LDLRAP1: variants seen among roughly 807,000 people sequenced by gnomAD.
LDLRAP1 encodes the protein low density lipoprotein receptor adapter protein 1.
A neutral mutation model predicts 37.8 loss-of-function variants in LDLRAP1; 30 were observed. That is an observed-to-expected ratio of 0.79 (90% confidence interval 0.59 to 1.08). LDLRAP1 has a LOEUF of 1.08. Ranked by LOEUF, LDLRAP1 falls within the 50% of genes least tolerant of loss-of-function variation. LDLRAP1 has a pLI of 0.00. For synonymous variants in LDLRAP1, 156 were observed against 169.8 expected, an observed-to-expected ratio of 0.92 and a Z score of 0.63; for missense variants, 375 against 401.6, an observed-to-expected ratio of 0.93 and a Z score of 0.57.
chr1:25,574,414 C>T, the LDLRAP1 span, among the ~76,000 whole-genome samples: 3 of 152,238 alleles, frequency 2.0e-5, no homozygotes, highest in African/African-American at 7.2e-5. Context: ...GAGCAACCTC[C>T]GGGCTTGCAA....
chr1:25,566,469 C>T (rs1344837177), intron 8 of LDLRAP1, among the ~76,000 whole-genome samples: 10 of 152,120 alleles, frequency 6.6e-5, no homozygotes, highest in Non-Finnish European at 8.8e-5. Flanking sequence ...TCGAACAGCA[C>T]GGTGTTGACA....
intron 4 of LDLRAP1, among the ~76,000 whole-genome samples, chr1:25,559,099 G>A (rs1457549077): frequency 1.3e-5 from 2 of 152,144 alleles, no homozygotes; most frequent in Non-Finnish European, 2.9e-5. Context: ...CTTGCCTCGT[G>A]AGGTCCCAGG....
intron 4 of LDLRAP1, among the ~76,000 whole-genome samples, chr1:25,559,856 G>A (rs138293995): frequency 0.017 from 2,534 of 152,314 alleles, 39 homozygotes; most frequent in Non-Finnish European, 0.028. Context: ...GTTTGGCACC[G>A]TCTGTCCTGG....
Position 25,554,811 on chromosome 1 carries a change from G to T in LDLRAP1, c.232-49G>T. On this transcript the variant is annotated intron_variant, in intron 2 of 8. Transcript: ENST00000374338. This position sits in a 1 kb window ranked among gnomAD's most constrained non-coding sequence, Gnocchi z 5.4. ...CAGTGAAGTGTAAGCCATGAGGGTG[G>T]GTCTCAAGTGAGGCTGGCAGACTCC... 1 of 1,428,416 alleles carries T rather than the reference G, an allele frequency of 7.0e-7. No homozygotes were observed. Among genetic ancestry groups the T allele is most frequent in the East Asian group, 2.3e-5 (1 of 43,640 alleles). 88.5% of individuals were successfully genotyped at this position (1,428,416 alleles called of 1,614,324 possible). A position where few individuals can be genotyped will look rare whatever the true frequency, so the allele number is the denominator to read the frequency against.
chr1:25,590,335 G>A, the LDLRAP1 span: 4 of 152,228 alleles, frequency 2.6e-5, no homozygotes, highest in South Asian at 8.3e-4. Flanking sequence ...ACTACCACAG[G>A]CAGGAAGAAA....
the LDLRAP1 span, among the ~76,000 whole-genome samples, chr1:25,583,834 GTC>G: frequency 3.9e-5 from 6 of 152,088 alleles, no homozygotes; most frequent in East Asian, 1.2e-3. Flanking sequence ...TCTGCTTTCT[GTC>G]TCTGTGAATT....
At chr1:25,551,480 TGTGA>T (rs2124654460) in intron 1 of LDLRAP1, among the ~76,000 whole-genome samples, 1 of 152,334 alleles carries the variant, frequency 6.6e-6, no homozygotes, top group African/African-American at 2.4e-5. Flanking sequence ...GCAAGGTGGC[TGTGA>T]GTGTTAGAGG....
the LDLRAP1 span, among the ~76,000 whole-genome samples, chr1:25,579,762 C>T: frequency 6.6e-6 from 1 of 152,136 alleles, no homozygotes; most frequent in African/African-American, 2.4e-5. Context: ...CAGATGGCCA[C>T]AGGCCATAAT....
chr1:25,567,494 T>C lies in LDLRAP1; in HGVS notation c.*502T>C, dbSNP rs1348323434. ...CCCACAGCCGCAGAAGGGGAATGTG[T>C]CCTCCTGCTCTGCTTCCTCAGGGCC... On this transcript the variant is annotated 3_prime_UTR_variant, in exon 9 of 9. Coordinates refer to ENST00000374338, the MANE Select transcript of LDLRAP1 (RefSeq NM_015627.3). The C allele has an allele frequency of 3.9e-6, 1 of 254,070 alleles. No individual in the cohort carries two copies. Among genetic ancestry groups the C allele is most frequent in the East Asian group, 1.2e-4 (1 of 8,366 alleles). 15.7% of individuals were successfully genotyped at this position (254,070 alleles called of 1,614,324 possible).
the LDLRAP1 span, among the ~76,000 whole-genome samples, chr1:25,577,609 G>A: frequency 6.6e-6 from 1 of 152,352 alleles, no homozygotes; most frequent in South Asian, 2.1e-4. Flanking sequence ...ACCTCACTGT[G>A]TTGAAGTTAG....
chr1:25,570,054 A>T (rs2044582500), downstream of LDLRAP1, among the ~76,000 whole-genome samples: 1 of 152,202 alleles, frequency 6.6e-6, no homozygotes, highest in African/African-American at 2.4e-5. Context: ...GTGGGGGTCC[A>T]CTTGGACATG....
At chr1:25,565,766 G>A (rs1210803440) in intron 8 of LDLRAP1, among the ~76,000 whole-genome samples, 1 of 152,182 alleles carries the variant, frequency 6.6e-6, no homozygotes, top group Non-Finnish European at 1.5e-5. Flanking sequence ...AGAAGGCTGT[G>A]GCTGAGGAGA....
At chr1:25,572,110 A>G (rs947179821), downstream of LDLRAP1, among the ~76,000 whole-genome samples, 1 of 152,176 alleles carries the variant, frequency 6.6e-6, no homozygotes, top group Non-Finnish European at 1.5e-5. Context: ...GAAGGGTAGA[A>G]TGGTTGGCGA....
intron 5 of LDLRAP1, 83 bp from the exon 6 acceptor site, chr1:25,562,987 C>A: frequency 7.3e-7 from 1 of 1,373,242 alleles, no homozygotes; most frequent in Non-Finnish European, 1.0e-6. Context: ...AGGTTGGCCA[C>A]CGCTAATCAC....
At chr1:25,553,842 G>A (rs1557699894) in intron 1 of LDLRAP1, 80 bp from the exon 2 acceptor site, 2 of 1,566,044 alleles carry the variant, frequency 1.3e-6, no homozygotes, top group Non-Finnish European at 1.7e-6. Context: ...GGGTTTCCTA[G>A]GAAAGAAGGC....
the LDLRAP1 span, among the ~76,000 whole-genome samples, chr1:25,583,192 AT>A: frequency 0.098 from 11,373 of 116,392 alleles, 821 homozygotes; most frequent in East Asian, 0.24. Flanking sequence ...TTTTTTGGGG[AT>A]TTTTTTTTTT....
intron 4 of LDLRAP1, chr1:25,557,529 CTG>C (rs923374576): frequency 1.8e-6 from 1 of 544,344 alleles, no homozygotes; most frequent in African/African-American, 1.9e-5. Flanking sequence ...CCTGTTCTCT[CTG>C]TAACGGGATT....
chr1:25,557,445 G>C, intron 4 of LDLRAP1, 178 bp downstream of exon 4: 1 of 609,500 alleles, frequency 1.6e-6, no homozygotes, highest in Admixed American at 2.7e-5. Context: ...TGGTGGGGCT[G>C]CAGGCAGGCA....
At chr1:25,564,976 T>TCTC (rs895014100) in intron 7 of LDLRAP1, 197 bp from the exon 8 acceptor site, 1 of 626,590 alleles carries the variant, frequency 1.6e-6, no homozygotes, top group Non-Finnish European at 2.9e-6. Flanking sequence ...CTCTCCCACG[T>TCTC]CTCCAGCTTT....
Sources: gnomAD v4.1 joint callset for allele counts (sites outside exome capture counted in the v4.1 genomes callset) on GRCh38, gnomAD v4.1.1 for gene constraint, Gnocchi (gnomAD v3.1) non-coding constraint, MANE v1.5 for transcripts, NCBI Gene and HGNC (gene_info 2026-07-23, HGNC 2026-07-21) for gene names.